TLE3: variants seen among roughly 807,000 people sequenced by gnomAD.
TLE3 encodes the protein TLE family member 3, transcriptional corepressor.
In TLE3, 14 loss-of-function variants were observed where a neutral mutation model predicts 93.0. The observed-to-expected ratio is 0.15, with a 90% CI of 0.10 to 0.24. The LOEUF is 0.24. Ranked by LOEUF, TLE3 falls within the 10% of genes least tolerant of loss-of-function variation. The pLI is 1.00. For synonymous variants in TLE3, 451 were observed against 425.0 expected (o/e 1.06, Z -0.75); for missense variants, 693 against 1,046.6 (o/e 0.66, Z 4.66).
At chr15:70,065,984 G>GC in intron 7 of TLE3, 30 bp downstream of exon 7, 3 of 768,812 alleles carry the variant, frequency 3.9e-6, no homozygotes, top group East Asian at 3.6e-5. Context: ...CCCCTGCCCC[G>GC]CCCCACCCTC....
intron 7 of TLE3, among the ~76,000 whole-genome samples, chr15:70,064,969 CTG>C (rs1417607655): frequency 1.3e-5 from 2 of 151,258 alleles, no homozygotes; most frequent in African/African-American, 4.9e-5. Context: ...TAACACCATT[CTG>C]TGATTCTTTG....
intron 6 of TLE3, among the ~76,000 whole-genome samples, chr15:70,072,020 C>G (rs1313512777): frequency 2.0e-5 from 3 of 152,186 alleles, no homozygotes; most frequent in Non-Finnish European, 4.4e-5. Context: ...CTCGGCTGTC[C>G]GTAATTCCTG....
rs761965040 is a variant in TLE3 at position 70,096,887 on chromosome 15, G to A, written c.-89C>T. The A allele has an allele frequency of 2.7e-6, 4 of 1,469,700 alleles. No individual in the cohort carries two copies. Among genetic ancestry groups the A allele is most frequent in the South Asian group, 1.2e-5 (1 of 83,792 alleles). 91.0% of individuals were successfully genotyped at this position (1,469,700 alleles called of 1,614,324 possible). A position where few individuals can be genotyped will look rare whatever the true frequency, so the allele number is the denominator to read the frequency against. On this transcript the variant is annotated 5_prime_UTR_variant, in exon 1 of 20. Transcript: ENST00000451782. The stretch of plus-strand genomic sequence containing the variant: ...GGGGAGGGGGGAGCCGAGCCCGAGC[G>A]GGGGGCGGCCGGGAAACCGAGAGCT...
In TLE3 at chr15:70,058,825, C is replaced by T. The variant is rs1424234013; in HGVS notation, c.766-10G>A. 3 of 1,561,638 alleles carry T rather than the reference C, an allele frequency of 1.9e-6. No homozygotes were observed. The highest frequency in any genetic ancestry group is 1.7e-6 in the Non-Finnish European group (2 of 1,157,184). ...GGGGCGTTGCGGGGTCCTGAAAACA[C>T]AAGTGATGCAGAGATGCACTGAAAG... is the stretch of plus-strand genomic sequence containing the variant. On this transcript the variant is annotated splice_polypyrimidine_tract_variant and intron_variant, in intron 10 of 19. Transcript: ENST00000451782. This position sits in a 1 kb window ranked among gnomAD's most constrained non-coding sequence, Gnocchi z 4.1.
chr15:70,058,734 C>T lies in TLE3; in HGVS notation c.847G>A (p.Ala283Thr). Residue 283 changes from alanine (A) to threonine (T), a missense_variant, in exon 11 of 20, where the codon GCC (alanine) becomes ACC (threonine). Ala to Thr is a moderately conservative substitution (Grantham distance 58). Transcript: ENST00000451782. The surrounding 1 kb of genome is among the most constrained non-coding windows in gnomAD (Gnocchi z 4.1). ...GCCACCGAGGCAGGGCTGGTGGGGG[C>T]ATCTTTTTTCAGGCTACGGGCCTTG... ...LDKARSLKKD[A>T]PTSPASVASS... 2 of 1,610,568 alleles carry T rather than the reference C, an allele frequency of 1.2e-6. No homozygotes were observed. The highest frequency in any genetic ancestry group is 1.7e-6 in the Non-Finnish European group (2 of 1,178,646).
intron 4 of TLE3, among the ~76,000 whole-genome samples, chr15:70,090,500 C>T (rs1263142652): frequency 6.6e-6 from 1 of 152,192 alleles, no homozygotes; most frequent in Non-Finnish European, 1.5e-5. Flanking sequence ...TGCCTGGTAG[C>T]TCCCTCTGGC....
chr15:70,083,705 C>T (rs1475613787), intron 4 of TLE3, among the ~76,000 whole-genome samples: 2 of 151,814 alleles, frequency 1.3e-5, no homozygotes, highest in East Asian at 1.9e-4. Context: ...CTCCCCTTGC[C>T]CCTCAACAGG....
At position 70,096,416 on chromosome 15, in the gene TLE3, G is replaced by C. The variant is rs528210778; in HGVS notation, c.25-155C>G. ...TTCTCAGCTCTCCGACGGGGCGGAG[G>C]GGGGGCGCCCCATCTCTCCCCGTCG... On this transcript the variant is annotated intron_variant, in intron 1 of 19. Coordinates refer to ENST00000451782, the MANE Select transcript of TLE3 (RefSeq NM_001105192.3). 4.5e-5 allele frequency: 60 copies of C among 1,339,458 alleles called. No homozygotes were observed. In the South Asian group the frequency reaches 7.4e-4, roughly 16 times the overall value. The allele number at this position is 1,339,458 out of a possible 1,614,324, so 83.0% of individuals were successfully genotyped here. A position where few individuals can be genotyped will look rare whatever the true frequency, so the allele number is the denominator to read the frequency against.
intron 4 of TLE3, among the ~76,000 whole-genome samples, chr15:70,091,443 G>A (rs1302389650): frequency 6.6e-6 from 1 of 152,232 alleles, no homozygotes; most frequent in Non-Finnish European, 1.5e-5. Context: ...AAGATGGCAA[G>A]TGATGAGCCG....
chr15:70,089,150 C>A (rs1197702961), intron 4 of TLE3, among the ~76,000 whole-genome samples: 2 of 152,232 alleles, frequency 1.3e-5, no homozygotes, highest in Non-Finnish European at 1.5e-5. Flanking sequence ...CGGCTGCCGA[C>A]TTCTGCCTCA....
At chr15:70,065,272 G>A (rs954934239) in intron 7 of TLE3, among the ~76,000 whole-genome samples, 2 of 152,208 alleles carry the variant, frequency 1.3e-5, no homozygotes, top group African/African-American at 4.8e-5. Flanking sequence ...TTTTGAAAAG[G>A]GCCTCCCAGG....
At chr15:70,060,464 G>A (rs928740042) in intron 9 of TLE3, 66 bp downstream of exon 9, 80 of 1,598,282 alleles carry the variant, frequency 5.0e-5, no homozygotes, top group Non-Finnish European at 6.6e-5. Context: ...CACAGCTTGG[G>A]CCCTGCAGAC....
chr15:70,084,588 T>C (rs945018406), intron 4 of TLE3, among the ~76,000 whole-genome samples: 1 of 152,182 alleles, frequency 6.6e-6, no homozygotes, highest in Non-Finnish European at 1.5e-5. Context: ...ATATAGCCTA[T>C]GGATAAAGAT....
chr15:70,082,034 G>A (rs1208132244), intron 4 of TLE3, among the ~76,000 whole-genome samples: 1 of 152,216 alleles, frequency 6.6e-6, no homozygotes, highest in African/African-American at 2.4e-5. Context: ...AAATCCCAGA[G>A]CTGCAGGGAA....
At chr15:70,056,452 C>CG (rs2056042398) in intron 13 of TLE3, 78 bp from the exon 14 acceptor site, 1 of 1,382,148 alleles carries the variant, frequency 7.2e-7, no homozygotes, top group Non-Finnish European at 1.0e-6. Flanking sequence ...ACCACCCACC[C>CG]GGGGTCCTAC....
chr15:70,071,618 T>C (rs955989708), intron 6 of TLE3, among the ~76,000 whole-genome samples: 2 of 152,130 alleles, frequency 1.3e-5, no homozygotes, highest in African/African-American at 4.8e-5. Flanking sequence ...AGAGAGCCAC[T>C]AAACAATTAG....
rs534317015 is a variant in TLE3 at position 70,055,452 on chromosome 15, C to T, written c.1329-154G>A. Reference sequence around the variant, plus strand: ...CATTCGAACCCAGTAACCCCATGTACTGGGATGGCTCCATCGAGGTAGACA... The same window carrying T: ...CATTCGAACCCAGTAACCCCATGTATTGGGATGGCTCCATCGAGGTAGACA... On this transcript the variant is annotated intron_variant, in intron 14 of 19. Coordinates refer to ENST00000451782, the MANE Select transcript of TLE3 (RefSeq NM_001105192.3). The T allele has an allele frequency of 4.9e-5, 51 of 1,048,726 alleles. No individual in the cohort carries two copies. In the African/African-American group the frequency reaches 7.8e-4, roughly 16 times the overall value. 65.0% of individuals were successfully genotyped at this position (1,048,726 alleles called of 1,614,324 possible). A position where few individuals can be genotyped will look rare whatever the true frequency, so the allele number is the denominator to read the frequency against.
chr15:70,057,535 A>T lies in TLE3; in HGVS notation c.1175T>A (p.Ile392Asn). 1 of 1,606,580 alleles carries T rather than the reference A, an allele frequency of 6.2e-7. No individual in the cohort carries two copies. Among genetic ancestry groups the T allele is most frequent in the Non-Finnish European group, 8.5e-7 (1 of 1,176,938 alleles). ...GGCGGCGGCGCTCATCTGGGGTGGG[A>T]TGTTGTGGAGGCCGGCGTAGGCGCC... ...SPGAYAGLHN[I>N]PPQMSAAAAA... The change falls in exon 13 of 20, where the codon ATC (isoleucine) becomes AAC (asparagine). Residue 392 changes from isoleucine to asparagine, a missense_variant. This residue lies in a region of TLE3 where 405 missense variants were observed against 468.9 expected (regional missense o/e 0.86). Transcript: ENST00000451782.
At chr15:70,067,224 T>C (rs567571064) in intron 6 of TLE3, among the ~76,000 whole-genome samples, 2 of 152,116 alleles carry the variant, frequency 1.3e-5, no homozygotes, top group Admixed American at 1.3e-4. Context: ...TTCTCTTTCC[T>C]CTCCCTTCGC....
Sources: gnomAD v4.1 joint callset for allele counts (sites outside exome capture counted in the v4.1 genomes callset) on GRCh38, gnomAD v4.1.1 for gene constraint, gnomAD v4.1.1 regional missense constraint, Gnocchi (gnomAD v3.1) non-coding constraint, MANE v1.5 for transcripts, NCBI Gene and HGNC (gene_info 2026-07-23, HGNC 2026-07-21) for gene names.